The following PCDHGA1 variants were observed in gnomAD, a reference collection of about 807,000 sequenced individuals.
PCDHGA1 encodes the protein protocadherin gamma-A1.
Under a neutral mutation model 58.0 loss-of-function variants are expected in PCDHGA1, and 32 were observed. The observed-to-expected ratio is 0.55, with a 90% CI of 0.42 to 0.74. PCDHGA1 has a LOEUF of 0.74. Ranked by LOEUF, PCDHGA1 falls within the 30% of genes least tolerant of loss-of-function variation. PCDHGA1 has a pLI of 0.00. For synonymous variants in PCDHGA1, 498 were observed against 501.1 expected, an observed-to-expected ratio of 0.99 and a Z score of 0.08; for missense variants, 1,205 against 1,182.3, an observed-to-expected ratio of 1.02 and a Z score of -0.28.
chr5:141,469,128 T>C (rs567164869), intron 1 of PCDHGA1, among the ~76,000 whole-genome samples: 1 of 151,692 alleles, frequency 6.6e-6, no homozygotes, highest in East Asian at 1.9e-4. Context: ...ATTTAAAAAT[T>C]AGCCAGAAAT....
intron 1 of PCDHGA1, chr5:141,424,481 G>A (rs1397559058): frequency 6.6e-6 from 1 of 152,056 alleles, no homozygotes; most frequent in Non-Finnish European, 1.5e-5. Flanking sequence ...TTACTTTGGT[G>A]TCTGTGTTTG....
At chr5:141,383,465 C>A (rs199737560) in intron 1 of PCDHGA1, 8 of 1,613,792 alleles carry the variant, frequency 5.0e-6, no homozygotes, top group Non-Finnish European at 5.9e-6. Context: ...GACGATGAAA[C>A]TAAGTACCCG....
intron 1 of PCDHGA1, chr5:141,340,463 G>C (rs138736929): frequency 4.1e-4 from 664 of 1,614,144 alleles, no homozygotes; most frequent in Non-Finnish European, 5.4e-4. Context: ...CACTGTTCAG[G>C]GGGCACCCTT....
At chr5:141,453,430 C>A (rs1043851647) in intron 1 of PCDHGA1, among the ~76,000 whole-genome samples, 1 of 152,018 alleles carries the variant, frequency 6.6e-6, no homozygotes, top group Non-Finnish European at 1.5e-5. Flanking sequence ...CCACACCTAG[C>A]CTAGTATTCT....
At chr5:141,453,185 C>T (rs2098757478) in intron 1 of PCDHGA1, among the ~76,000 whole-genome samples, 1 of 152,146 alleles carries the variant, frequency 6.6e-6, no homozygotes, top group South Asian at 2.1e-4. Flanking sequence ...ACAATCACAG[C>T]TCACTGCAGC....
Position 141,505,566 on chromosome 5 carries a change from A to G in PCDHGA1, c.2569+85A>G, listed in dbSNP as rs1363426407. 1.4e-5 allele frequency: 22 copies of G among 1,599,886 alleles called. No individual in the cohort carries two copies. In the East Asian group the frequency reaches 4.7e-4, roughly 34 times the overall value. ...CACAGCCACCATGCCCACGGACTGGATGTCAAACCTGTGTAGTTTCTCCAG... is the reference window on the plus strand; with the variant it reads ...CACAGCCACCATGCCCACGGACTGGGTGTCAAACCTGTGTAGTTTCTCCAG... On this transcript the variant is annotated intron_variant, in intron 3 of 3. Coordinates refer to ENST00000517417, the MANE Select transcript of PCDHGA1 (RefSeq NM_018912.3).
At chr5:141,370,714 A>G in intron 1 of PCDHGA1, 1 of 1,613,830 alleles carries the variant, frequency 6.2e-7, no homozygotes, top group Non-Finnish European at 8.5e-7. Flanking sequence ...CTGGAATTTG[A>G]AATGGTTGCT....
intron 1 of PCDHGA1, chr5:141,423,965 T>C (rs911812056): frequency 8.1e-5 from 94 of 1,162,030 alleles, no homozygotes; most frequent in Admixed American, 1.3e-4. Context: ...TATTTTTCTA[T>C]TATCAGTGTA....
At position 141,332,594 on chromosome 5, in the gene PCDHGA1, C is replaced by A; in HGVS notation, c.1910C>A (p.Ala637Glu). The A allele has an allele frequency of 3.1e-6, 5 of 1,612,860 alleles. No homozygotes were observed. Among genetic ancestry groups the A allele is most frequent in the Non-Finnish European group, 4.2e-6 (5 of 1,179,888 alleles). Residue 637 changes from alanine (A) to glutamate (E), a missense_variant, in exon 1 of 4, where the codon GCG (alanine) becomes GAG (glutamate). By Grantham distance (107) the Ala-to-Glu change is moderately radical (BLOSUM62 -1). Coordinates refer to ENST00000517417, the MANE Select transcript of PCDHGA1 (RefSeq NM_018912.3). This position sits in a 1 kb window ranked among gnomAD's most constrained non-coding sequence, Gnocchi z 4.6. ...GCGCGAGCCCTGCTGGACAGAGACG[C>A]GCTCAAGCAGAGTCTCGTGGTGGCC... Reference protein sequence around the residue: ...RTARALLDRDALKQSLVVAVQ... With the variant: ...RTARALLDRDELKQSLVVAVQ...
chr5:141,337,147 G>T (rs1756661912), intron 1 of PCDHGA1, among the ~76,000 whole-genome samples: 1 of 152,152 alleles, frequency 6.6e-6, no homozygotes, highest in Non-Finnish European at 1.5e-5. Context: ...AGAATATGGA[G>T]AAATTGGAAT....
intron 1 of PCDHGA1, chr5:141,356,010 T>C: frequency 6.2e-7 from 1 of 1,613,914 alleles, no homozygotes; most frequent in Non-Finnish European, 8.5e-7. Flanking sequence ...CTGATCCAGA[T>C]GAAGGAGCCA....
Position 141,351,886 on chromosome 5 carries a change from G to T in PCDHGA1, c.2421+18781G>T, listed in dbSNP as rs377208230. ...GCTCCCCCGCGCTCAGCGCCAACGT[G>T]AGCCTGCGCGTGTTGGTGGGCGACC... On this transcript the variant is annotated intron_variant, in intron 1 of 3. Transcript: ENST00000517417. 2.5e-6 allele frequency: 4 copies of T among 1,613,292 alleles called. No homozygotes were observed. In the Admixed American group the frequency reaches 6.7e-5, roughly 27 times the overall value.
At chr5:141,392,593 C>G (rs986653235) in intron 1 of PCDHGA1, 2 of 494,194 alleles carry the variant, frequency 4.0e-6, no homozygotes, top group Non-Finnish European at 7.1e-6. Context: ...CCGCTGTTCA[C>G]CTACTGGAAG....
intron 1 of PCDHGA1, chr5:141,382,806 C>G: frequency 9.1e-7 from 1 of 1,097,502 alleles, no homozygotes; most frequent in South Asian, 1.6e-5. Context: ...GGATTCTGAG[C>G]TCCCCTTCCT....
chr5:141,383,083 C>G, intron 1 of PCDHGA1: 1 of 1,613,852 alleles, frequency 6.2e-7, no homozygotes. Flanking sequence ...GCTGGCGGAG[C>G]GCGGAGTCCG....
intron 1 of PCDHGA1, chr5:141,399,294 G>T (rs781668632): frequency 6.2e-7 from 1 of 1,613,914 alleles, no homozygotes; most frequent in South Asian, 1.1e-5. Flanking sequence ...TCCCTTTTAA[G>T]ATTATCTCTT....
intron 1 of PCDHGA1, chr5:141,408,114 C>G: frequency 6.8e-7 from 1 of 1,461,086 alleles, no homozygotes; most frequent in East Asian, 2.5e-5. Flanking sequence ...CGGGACTCCT[C>G]CTGTCCTGGG....
In PCDHGA1 at chr5:141,487,579, A is replaced by G. The variant is rs779441421; in HGVS notation, c.2422-7228A>G. 60 of 1,614,022 alleles carry G rather than the reference A, an allele frequency of 3.7e-5. No homozygotes were observed. The South Asian group carries it at 6.0e-4, about 16-fold the overall frequency. The stretch of plus-strand genomic sequence containing the variant: ...CTATGGCAGGGGAGCCTGTTCGCCC[A>G]AGCTGCCCACCCTCTGATCTTCTCT... On this transcript the variant is annotated intron_variant, in intron 1 of 3. Transcript: ENST00000517417. This position sits in a 1 kb window ranked among gnomAD's most constrained non-coding sequence, Gnocchi z 5.0.
At chr5:141,455,984 G>A (rs1405675950) in intron 1 of PCDHGA1, among the ~76,000 whole-genome samples, 2 of 151,492 alleles carry the variant, frequency 1.3e-5, no homozygotes, top group East Asian at 1.9e-4. Context: ...TGCAAGCTCC[G>A]CCTCTCGGGT....
Sources: allele counts gnomAD v4.1 joint callset (sites outside exome capture counted in the v4.1 genomes callset), GRCh38; gene constraint gnomAD v4.1.1; non-coding constraint Gnocchi (gnomAD v3.1); transcripts MANE v1.5; gene names NCBI Gene and HGNC (gene_info 2026-07-23, HGNC 2026-07-21).